Variants in LCLAT1 observed in about 807,000 individuals in gnomAD.
LCLAT1 encodes lysocardiolipin acyltransferase 1.
Under a neutral mutation model 30.7 loss-of-function variants are expected in LCLAT1, and 11 were observed. The observed-to-expected ratio is 0.36, with a 90% CI of 0.23 to 0.59. The LOEUF (loss-of-function observed/expected upper bound fraction) is 0.59, where lower values mean the gene tolerates loss of function less well. Ranked by LOEUF, LCLAT1 falls within the 20% of genes least tolerant of loss-of-function variation. LCLAT1 has a pLI of 0.77. For missense variants in LCLAT1, 402 were observed against 458.6 expected, an observed-to-expected ratio of 0.88 and a Z score of 1.13; for synonymous variants, 155 against 151.3, an observed-to-expected ratio of 1.02 and a Z score of -0.18.
intron 1 of LCLAT1, among the ~76,000 whole-genome samples, chr2:30,520,252 C>T (rs1572562882): frequency 6.6e-6 from 1 of 152,150 alleles, no homozygotes; most frequent in Non-Finnish European, 1.5e-5. Flanking sequence ...AGAACAAACA[C>T]CTGCCAGTAA....
chr2:30,588,682 C>A (rs1381156574), intron 5 of LCLAT1, among the ~76,000 whole-genome samples: 1 of 152,126 alleles, frequency 6.6e-6, no homozygotes, highest in Non-Finnish European at 1.5e-5. Flanking sequence ...CTCACTGCAA[C>A]CTCCGTCTCC....
intron 3 of LCLAT1, among the ~76,000 whole-genome samples, chr2:30,536,659 A>G (rs562293101): frequency 7.7e-4 from 118 of 152,372 alleles, no homozygotes; most frequent in Admixed American, 1.2e-3. Context: ...TAAAAAAGTG[A>G]TATCTAAGCA....
intron 1 of LCLAT1, among the ~76,000 whole-genome samples, chr2:30,519,401 T>C (rs1325493815): frequency 6.6e-6 from 1 of 152,156 alleles, no homozygotes; most frequent in East Asian, 1.9e-4. Context: ...AAATCTCAAC[T>C]GCACAACCCC....
rs753684188 is a variant in LCLAT1 at position 30,459,661 on chromosome 2, A to G, written c.-5+12278A>G. The G allele has an allele frequency of 3.9e-5, 63 of 1,614,086 alleles. No individual in the cohort carries two copies. Among genetic ancestry groups the G allele is most frequent in the East Asian group, 2.2e-4 (10 of 44,896 alleles). On this transcript the variant is annotated intron_variant, in intron 1 of 5. Coordinates refer to ENST00000379509, the MANE Select transcript of LCLAT1 (RefSeq NM_001002257.3). Reference sequence around the variant, plus strand: ...TGTGGTGCTTCTGAACCCATGGTCAATTAACGAGGCAGTTTCTAGCTACTG... The same window carrying G: ...TGTGGTGCTTCTGAACCCATGGTCAGTTAACGAGGCAGTTTCTAGCTACTG...
chr2:30,567,766 C>G (rs1029225583), intron 4 of LCLAT1, among the ~76,000 whole-genome samples: 2 of 152,202 alleles, frequency 1.3e-5, no homozygotes, highest in African/African-American at 2.4e-5. Flanking sequence ...AGTTCACTAT[C>G]TTCTCAGTTT....
intron 1 of LCLAT1, among the ~76,000 whole-genome samples, chr2:30,489,979 A>G (rs1176765156): frequency 6.6e-6 from 1 of 152,220 alleles, no homozygotes; most frequent in Non-Finnish European, 1.5e-5. Context: ...GCATTTACTC[A>G]GTATGTATAC....
chr2:30,461,794 G>A (rs1377572099), intron 1 of LCLAT1, among the ~76,000 whole-genome samples: 9 of 93,222 alleles, frequency 9.7e-5, no homozygotes, highest in East Asian at 4.3e-4. Context: ...TTTTTGAGAC[G>A]GAGTCTCGCT....
intron 3 of LCLAT1, among the ~76,000 whole-genome samples, chr2:30,544,326 G>A (rs1664293809): frequency 1.3e-5 from 2 of 152,150 alleles, no homozygotes; most frequent in Non-Finnish European, 2.9e-5. Flanking sequence ...AATGGAAACT[G>A]CTTAAGGACT....
chr2:30,530,466 C>T (rs1685929053), intron 2 of LCLAT1, among the ~76,000 whole-genome samples: 1 of 152,206 alleles, frequency 6.6e-6, no homozygotes, highest in African/African-American at 2.4e-5. Flanking sequence ...TTATAACTTT[C>T]AGGCATATTC....
intron 3 of LCLAT1, among the ~76,000 whole-genome samples, chr2:30,560,401 C>T (rs1475476747): frequency 4.0e-5 from 6 of 151,634 alleles, no homozygotes; most frequent in Non-Finnish European, 5.9e-5. Context: ...TGCAGTGGTA[C>T]GATCTCAGCT....
intron 1 of LCLAT1, among the ~76,000 whole-genome samples, chr2:30,513,193 G>C (rs1019872744): frequency 1.3e-5 from 2 of 151,604 alleles, no homozygotes; most frequent in African/African-American, 4.8e-5. Flanking sequence ...GATGTGTTAG[G>C]GTTTTTCACT....
chr2:30,585,278 T>C (rs77065239), intron 5 of LCLAT1, among the ~76,000 whole-genome samples: 1 of 150,216 alleles, frequency 6.7e-6, no homozygotes, highest in Non-Finnish European at 1.5e-5. Flanking sequence ...TAAAAAAAAA[T>C]ACCGAGTCAA....
intron 3 of LCLAT1, among the ~76,000 whole-genome samples, chr2:30,540,427 G>A (rs1664078001): frequency 6.6e-6 from 1 of 152,038 alleles, no homozygotes; most frequent in African/African-American, 2.4e-5. Flanking sequence ...TTTTCTTTGT[G>A]CAGTATTTCA....
chr2:30,481,226 G>C (rs532800648), intron 1 of LCLAT1, among the ~76,000 whole-genome samples: 1 of 152,178 alleles, frequency 6.6e-6, no homozygotes, highest in African/African-American at 2.4e-5. Context: ...ATGGAAAGCC[G>C]TTAAAGGCTT....
chr2:30,559,857 A>T (rs533380181), intron 3 of LCLAT1, among the ~76,000 whole-genome samples: 10 of 152,290 alleles, frequency 6.6e-5, no homozygotes, highest in African/African-American at 2.4e-4. Flanking sequence ...ACAATCCTTG[A>T]TGTAATATTC....
intron 1 of LCLAT1, among the ~76,000 whole-genome samples, chr2:30,483,826 T>C (rs1349349869): frequency 1.3e-5 from 2 of 152,184 alleles, no homozygotes; most frequent in Non-Finnish European, 2.9e-5. Flanking sequence ...TTAAATTTTA[T>C]GGGCAGCATA....
In LCLAT1 at chr2:30,476,408, C is replaced by T. The variant is rs143460960; in HGVS notation, c.-5+29025C>T. On this transcript the variant is annotated intron_variant, in intron 1 of 5. Coordinates refer to ENST00000379509, the MANE Select transcript of LCLAT1 (RefSeq NM_001002257.3). ...GTTTCATCTGTCTTTACAGCCACTCCACATCACTTGAATTATCTCCTGATT... is the reference window on the plus strand; with the variant it reads ...GTTTCATCTGTCTTTACAGCCACTCTACATCACTTGAATTATCTCCTGATT... 1.6e-4 allele frequency: 73 copies of T among 456,622 alleles called. No homozygotes were observed. The East Asian group carries it at 4.3e-3, about 27-fold the overall frequency. The allele number at this position is 456,622 out of a possible 1,614,324, so 28.3% of individuals were successfully genotyped here.
Position 30,508,598 on chromosome 2 carries a change from T to C in LCLAT1, c.-4-16989T>C, listed in dbSNP as rs573290561. ...CTTATTTCTGGGTTCTCTATTCTGT[T>C]CCATTGGTCTATGTGTCTGTTTTTG... On this transcript the variant is annotated intron_variant, in intron 1 of 5. Transcript: ENST00000379509. 2.3e-3 allele frequency among the ~76,000 whole-genome samples: 351 copies of C among 152,282 alleles called. 2 individuals carry two copies. The highest frequency in any genetic ancestry group is 7.9e-3 in the African/African-American group (329 of 41,542).
At chr2:30,542,907 G>A (rs1664212107) in intron 3 of LCLAT1, among the ~76,000 whole-genome samples, 1 of 147,708 alleles carries the variant, frequency 6.8e-6, no homozygotes, top group Non-Finnish European at 1.5e-5. Flanking sequence ...TAATCACATT[G>A]CTTGTATGTA....
Sources: gnomAD v4.1 joint callset for allele counts (sites outside exome capture counted in the v4.1 genomes callset) on GRCh38, gnomAD v4.1.1 for gene constraint, MANE v1.5 for transcripts, NCBI Gene and HGNC (gene_info 2026-07-23, HGNC 2026-07-21) for gene names.